Variants in SIMC1 observed in about 807,000 individuals in gnomAD.
SIMC1 encodes the protein SUMO interacting motifs containing 1, also known as SUMO-interacting motif-containing protein 1.
SIMC1 carries 55 observed loss-of-function variants against 82.3 expected under a neutral mutation model. The ratio of observed to expected loss-of-function variants is 0.67; its 90% CI spans 0.54 to 0.84. The LOEUF (loss-of-function observed/expected upper bound fraction) is 0.84. Among genes scored for constraint, SIMC1 ranks in the 40% least tolerant of loss-of-function variants. The pLI, the probability that SIMC1 is intolerant of heterozygous loss-of-function variation, is 0.00. For missense variants in SIMC1, 915 were observed against 1,107.2 expected (o/e 0.83, Z 2.46); for synonymous variants, 353 against 426.3 (o/e 0.83, Z 2.12).
chr5:176,245,254 CAG>C (rs1407016719), intron 1 of SIMC1, among the ~76,000 whole-genome samples: 4 of 152,152 alleles, frequency 2.6e-5, no homozygotes, highest in Admixed American at 1.3e-4. Flanking sequence ...TGTGAAGACA[CAG>C]GGGAAGAACG....
At chr5:176,275,753 T>C (rs954358227) in intron 1 of SIMC1, among the ~76,000 whole-genome samples, 4 of 151,902 alleles carry the variant, frequency 2.6e-5, no homozygotes, top group African/African-American at 9.7e-5. Context: ...TCTTTGGTTC[T>C]GTTTATATGC....
At chr5:176,269,875 A>C (rs1762350969) in intron 1 of SIMC1, among the ~76,000 whole-genome samples, 1 of 152,020 alleles carries the variant, frequency 6.6e-6, no homozygotes, top group South Asian at 2.1e-4. Flanking sequence ...CCTCCCAGGT[A>C]GCTGGGACCA....
At chr5:176,298,290 T>C (rs1484028778) in intron 4 of SIMC1, among the ~76,000 whole-genome samples, 2 of 152,178 alleles carry the variant, frequency 1.3e-5, no homozygotes, top group African/African-American at 4.8e-5. Flanking sequence ...GAGTGGACCA[T>C]GCATGCAATG....
intron 1 of SIMC1, among the ~76,000 whole-genome samples, chr5:176,243,603 C>T (rs1357781179): frequency 6.6e-6 from 1 of 151,652 alleles, no homozygotes; most frequent in Non-Finnish European, 1.5e-5. Flanking sequence ...CTCACTGCAA[C>T]CCCCACTTCC....
chr5:176,321,803 G>T (rs1405077917), intron 5 of SIMC1, among the ~76,000 whole-genome samples: 1 of 151,354 alleles, frequency 6.6e-6, no homozygotes, highest in Admixed American at 6.6e-5. Context: ...TCCTGGTCAG[G>T]AAGGCACAGA....
At chr5:176,324,439 T>A (rs1273539933) in intron 6 of SIMC1, among the ~76,000 whole-genome samples, 190 bp from the exon 7 acceptor site, 42 of 152,160 alleles carry the variant, frequency 2.8e-4, no homozygotes. Flanking sequence ...CAAAAGGGAT[T>A]CAGGTAGGTG....
At chr5:176,342,654 G>C (rs780806312) in intron 9 of SIMC1, among the ~76,000 whole-genome samples, 2 of 152,092 alleles carry the variant, frequency 1.3e-5, no homozygotes, top group Non-Finnish European at 2.9e-5. Context: ...CAGGACATTT[G>C]CTATTGCTGT....
intron 1 of SIMC1, among the ~76,000 whole-genome samples, chr5:176,247,307 G>C (rs1761484642): frequency 6.6e-6 from 1 of 152,088 alleles, no homozygotes; most frequent in African/African-American, 2.4e-5. Context: ...ATTCTAACTG[G>C]TGTGAGATAG....
intron 5 of SIMC1, among the ~76,000 whole-genome samples, chr5:176,321,440 TAAA>T (rs953751441): frequency 7.3e-6 from 1 of 137,716 alleles, no homozygotes; most frequent in African/African-American, 2.7e-5. Flanking sequence ...AGACTCTGCC[TAAA>T]AAAAAAAAAA....
chr5:176,320,331 TTTTATTTATTTATTTA>T (rs71299779), intron 5 of SIMC1, among the ~76,000 whole-genome samples: 3,142 of 140,292 alleles, frequency 0.022, 46 homozygotes, highest in Middle Eastern at 0.06. Flanking sequence ...AGCCATCCTA[TTTTATTTATTTATTTA>T]TTTATTTATT....
intron 1 of SIMC1, among the ~76,000 whole-genome samples, chr5:176,287,559 A>G (rs1030259085): frequency 7.9e-5 from 12 of 152,158 alleles, no homozygotes; most frequent in African/African-American, 2.9e-4. Context: ...CAGCACACCA[A>G]CATCGCACAT....
intron 7 of SIMC1, among the ~76,000 whole-genome samples, chr5:176,333,250 G>A (rs916084722): frequency 5.9e-5 from 9 of 151,934 alleles, no homozygotes; most frequent in African/African-American, 1.4e-4. Flanking sequence ...GTTGCAGTGA[G>A]CCAAGATTGC....
intron 6 of SIMC1, among the ~76,000 whole-genome samples, chr5:176,324,283 A>G (rs1357428456): frequency 6.6e-6 from 1 of 152,224 alleles, no homozygotes; most frequent in African/African-American, 2.4e-5. Flanking sequence ...CTGTTTCTTC[A>G]TCTGCAAAAC....
Position 176,345,285 on chromosome 5 carries a change from A to G in SIMC1, c.2516A>G (p.Lys839Arg). The G allele has an allele frequency of 6.2e-7, 1 of 1,614,020 alleles. No homozygotes were observed. Among genetic ancestry groups the G allele is most frequent in the Non-Finnish European group, 8.5e-7 (1 of 1,179,898 alleles). ...GACATCACAGTGGTAGACGTAGAGA[A>G]GCAGATTGAGGCCTTCCGCAGCCGC... ...GDDITVVDVE[K>R]QIEAFRSRLI... The change falls in exon 10 of 10, where the codon AAG becomes AGG. Residue 839 changes from lysine (K) to arginine (R), a missense_variant. Lys to Arg is a conservative substitution (Grantham distance 26). Transcript: ENST00000429602.
intron 1 of SIMC1, among the ~76,000 whole-genome samples, chr5:176,273,112 T>G (rs1035469379): frequency 1.3e-5 from 2 of 152,214 alleles, no homozygotes; most frequent in African/African-American, 4.8e-5. Flanking sequence ...GTTTGAGATC[T>G]GAGAACGGAC....
intron 7 of SIMC1, among the ~76,000 whole-genome samples, chr5:176,325,987 C>T (rs184779765): frequency 2.0e-4 from 31 of 152,222 alleles, no homozygotes; most frequent in African/African-American, 7.5e-4. Flanking sequence ...TGGTTTTTGG[C>T]TAAAAACAAT....
intron 1 of SIMC1, among the ~76,000 whole-genome samples, chr5:176,252,304 C>T (rs575944729): frequency 8.6e-5 from 13 of 151,156 alleles, no homozygotes; most frequent in Admixed American, 7.9e-4. Flanking sequence ...GGCTGCCGGG[C>T]GGAGACGCTC....
intron 5 of SIMC1, among the ~76,000 whole-genome samples, chr5:176,316,409 G>A (rs558373540): frequency 6.6e-6 from 1 of 150,492 alleles, no homozygotes; most frequent in Admixed American, 6.7e-5. Context: ...GCTCACACCT[G>A]TAATCCTAAC....
At chr5:176,339,789 CTT>C (rs1398317237) in intron 9 of SIMC1, among the ~76,000 whole-genome samples, 2 of 152,214 alleles carry the variant, frequency 1.3e-5, no homozygotes, top group Non-Finnish European at 2.9e-5. Context: ...GTTCCAGCTT[CTT>C]TGGGGTCCAA....
Sources: gnomAD v4.1 joint callset for allele counts (sites outside exome capture counted in the v4.1 genomes callset) on GRCh38, gnomAD v4.1.1 for gene constraint, MANE v1.5 for transcripts, NCBI Gene and HGNC (gene_info 2026-07-23, HGNC 2026-07-21) for gene names.